The following CPS1 variants were observed in gnomAD, a reference collection of about 807,000 sequenced individuals.
The protein encoded by CPS1 is carbamoyl-phosphate synthase 1.
In CPS1, 109 loss-of-function variants were observed where a neutral mutation model predicts 174.6. The ratio of observed to expected loss-of-function variants is 0.62; its 90% confidence interval spans 0.53 to 0.73. The LOEUF (loss-of-function observed/expected upper bound fraction) is 0.73, where lower values mean the gene tolerates loss of function less well. CPS1 is among the 30% of genes least tolerant of loss of function. The pLI, the probability that CPS1 is intolerant of heterozygous loss-of-function variation, is 0.00. For missense variants in CPS1, 1,689 were observed against 1,821.9 expected (o/e 0.93, Z 1.33); for synonymous variants, 637 against 632.0 (o/e 1.01, Z -0.12).
intron 21 of CPS1, among the ~76,000 whole-genome samples, chr2:210,634,712 T>A (rs374820837): frequency 6.6e-6 from 1 of 152,158 alleles, no homozygotes; most frequent in African/African-American, 2.4e-5. Context: ...CTCCTAAATG[T>A]AAGAGTACAA....
rs1700454068 is a variant in CPS1, at chr2:210,648,492, CAA to C, written c.3358_3359del (p.Lys1120ValfsTer25). On this transcript the variant is annotated frameshift_variant, in exon 27 of 38. Coordinates refer to ENST00000233072, the MANE Select transcript of CPS1 (RefSeq NM_001875.5). LOFTEE classifies it high-confidence loss of function. ...AATTAGAATGAAGCACTGGAATTTG[CAA>C]AGTCTGTGGACTACCCCTGCTTGTT... 6 of 1,613,330 alleles carry C rather than the reference CAA, an allele frequency of 3.7e-6. No homozygotes were observed. The highest frequency in any genetic ancestry group is 5.1e-6 in the Non-Finnish European group (6 of 1,179,498).
intron 5 of CPS1, among the ~76,000 whole-genome samples, chr2:210,582,188 A>G (rs887725731): frequency 2.0e-5 from 3 of 152,180 alleles, no homozygotes; most frequent in African/African-American, 2.4e-5. Context: ...TTACTATCAT[A>G]ATGAATGAAT....
chr2:210,512,495 G>A (rs558486075), intron 1 of CPS1, among the ~76,000 whole-genome samples: 7 of 151,796 alleles, frequency 4.6e-5, no homozygotes, highest in Admixed American at 6.6e-5. Flanking sequence ...TTAGGATAAT[G>A]GCCTCCAGCT....
intron 21 of CPS1, among the ~76,000 whole-genome samples, chr2:210,632,831 A>G (rs1041994522): frequency 6.6e-6 from 1 of 152,258 alleles, no homozygotes; most frequent in Non-Finnish European, 1.5e-5. Context: ...ACACATACCC[A>G]ATATCTGTAT....
intron 1 of CPS1, among the ~76,000 whole-genome samples, chr2:210,498,937 T>C (rs1166681643): frequency 1.3e-5 from 2 of 152,160 alleles, no homozygotes; most frequent in East Asian, 3.9e-4. Context: ...TTCACCATGG[T>C]GTCTGAACAG....
At chr2:210,629,702 G>T (rs1454573019) in intron 21 of CPS1, among the ~76,000 whole-genome samples, 2 of 151,690 alleles carry the variant, frequency 1.3e-5, no homozygotes, top group Non-Finnish European at 2.9e-5. Flanking sequence ...AAGACGAATG[G>T]TAAAATTCAA....
At chr2:210,501,987 C>G (rs1010626594) in intron 1 of CPS1, among the ~76,000 whole-genome samples, 8 of 152,090 alleles carry the variant, frequency 5.3e-5, no homozygotes, top group African/African-American at 9.7e-5. Context: ...CTGGAGAGCC[C>G]TCAAGAAACT....
chr2:210,580,703 A>G lies in CPS1; in HGVS notation c.528+933A>G, dbSNP rs1006450517. Reference sequence around the variant, plus strand: ...ATGGTGAAACCCATCTCTACTAAATATACAAAAACTAGCCAGTTATAGTGG... The same window carrying G: ...ATGGTGAAACCCATCTCTACTAAATGTACAAAAACTAGCCAGTTATAGTGG... On this transcript the variant is annotated intron_variant, in intron 5 of 37. Transcript: ENST00000233072. Among the ~76,000 whole-genome samples the G allele has an allele frequency of 4.0e-5, 6 of 151,780 alleles. No homozygotes were observed. In the South Asian group the frequency reaches 8.3e-4, roughly 21 times the overall value.
chr2:210,607,379 C>T (rs1698954661), intron 18 of CPS1, among the ~76,000 whole-genome samples: 1 of 151,890 alleles, frequency 6.6e-6, no homozygotes, highest in Non-Finnish European at 1.5e-5. Context: ...CAAAACTCCA[C>T]AAGACTGAAC....
chr2:210,492,810 G>A (rs1437656402), intron 1 of CPS1, among the ~76,000 whole-genome samples: 1 of 151,754 alleles, frequency 6.6e-6, no homozygotes, highest in East Asian at 1.9e-4. Flanking sequence ...AAAATACAAA[G>A]GATTCAAAGA....
chr2:210,520,878 T>C (rs1188047429), intron 1 of CPS1, among the ~76,000 whole-genome samples: 2 of 152,060 alleles, frequency 1.3e-5, no homozygotes, highest in Non-Finnish European at 2.9e-5. Context: ...TGGGTTTGTT[T>C]TTAGCTACTA....
At chr2:210,579,603 G>A in intron 4 of CPS1, 111 bp from the exon 5 acceptor site, 1 of 831,702 alleles carries the variant, frequency 1.2e-6, no homozygotes. Context: ...AAAGAGTGGA[G>A]AAATTATTTA....
At chr2:210,599,109 CTT>C (rs1698609348) in intron 13 of CPS1, among the ~76,000 whole-genome samples, 1 of 151,868 alleles carries the variant, frequency 6.6e-6, no homozygotes, top group African/African-American at 2.4e-5. Context: ...TGGTCTCCAG[CTT>C]TGCCAACAGT....
intron 1 of CPS1, among the ~76,000 whole-genome samples, chr2:210,531,255 G>A (rs146395770): frequency 8.7e-4 from 132 of 152,152 alleles, no homozygotes; most frequent in African/African-American, 3.0e-3. Context: ...AAAAAAGTAC[G>A]AGCTCTGGAG....
intron 29 of CPS1, 31 bp downstream of exon 29, chr2:210,654,133 C>T (rs1700639301): frequency 6.4e-7 from 1 of 1,574,338 alleles, no homozygotes; most frequent in South Asian, 1.1e-5. Context: ...TCCTTCATTC[C>T]TGCCTTCTCA....
intron 30 of CPS1, chr2:210,657,543 C>G (rs984893656): frequency 6.6e-6 from 1 of 152,540 alleles, no homozygotes; most frequent in Non-Finnish European, 1.5e-5. Context: ...ATCCTGACGT[C>G]GTGATCCGCC....
intron 1 of CPS1, among the ~76,000 whole-genome samples, chr2:210,528,457 A>G (rs1696031674): frequency 6.6e-6 from 1 of 151,962 alleles, no homozygotes; most frequent in African/African-American, 2.4e-5. Context: ...GTAATGCTCA[A>G]TCTTATTTCT....
Position 210,590,088 on chromosome 2 carries a change from C to T in CPS1, c.712-18C>T, listed in dbSNP as rs1310637398. The T allele has an allele frequency of 2.5e-6, 4 of 1,612,414 alleles. No individual in the cohort carries two copies. The highest frequency in any genetic ancestry group is 3.4e-6 in the Non-Finnish European group (4 of 1,178,854). Reference sequence around the variant, plus strand: ...GAAACATGTTATTAAATTCATCATTCTTGTGTCTCTTTTCCAGCGAGGAGC... The same window carrying T: ...GAAACATGTTATTAAATTCATCATTTTTGTGTCTCTTTTCCAGCGAGGAGC... On this transcript the variant is annotated intron_variant, in intron 7 of 37. Coordinates refer to ENST00000233072, the MANE Select transcript of CPS1 (RefSeq NM_001875.5).
At position 210,507,150 on chromosome 2, in the gene CPS1, G is replaced by A. The variant is rs972080298; in HGVS notation, c.3+29384G>A. On this transcript the variant is annotated intron_variant, in intron 1 of 38. Transcript: ENST00000430249. ...GAGAAAGGTCGGGTTACCCATAAAG[G>A]GAAGCCTATCAGACTAACAATGGAT... 2.6e-5 allele frequency among the ~76,000 whole-genome samples: 4 copies of A among 152,314 alleles called. No individual in the cohort carries two copies. In the South Asian group the frequency reaches 8.3e-4, roughly 32 times the overall value.
Sources: allele counts gnomAD v4.1 joint callset (sites outside exome capture counted in the v4.1 genomes callset), GRCh38; gene constraint gnomAD v4.1.1; transcripts MANE v1.5; gene names NCBI Gene and HGNC (gene_info 2026-07-23, HGNC 2026-07-21).